LRMDA: variants seen among roughly 807,000 people sequenced by gnomAD.
LRMDA encodes the protein leucine-rich melanocyte differentiation-associated protein.
Under a neutral mutation model 29.8 loss-of-function variants are expected in LRMDA, and 18 were observed. The observed-to-expected ratio is 0.60, with a 90% confidence interval of 0.42 to 0.90. The LOEUF (loss-of-function observed/expected upper bound fraction) is 0.90, where lower values mean the gene tolerates loss of function less well. LRMDA is among the 40% of genes least tolerant of loss of function. The probability of loss-of-function intolerance (pLI) is 0.00; values close to 1 mark genes in which losing one functional copy is unlikely to be tolerated. For missense variants in LRMDA, 273 were observed against 273.9 expected, an observed-to-expected ratio of 1.00 and a Z score of 0.02; for synonymous variants, 125 against 109.4, an observed-to-expected ratio of 1.14 and a Z score of -0.89.
At chr10:76,267,985 ATTTG>A (rs1840026258) in intron 5 of LRMDA, among the ~76,000 whole-genome samples, 1 of 152,202 alleles carries the variant, frequency 6.6e-6, no homozygotes, top group South Asian at 2.1e-4. Context: ...ATTTACATAT[ATTTG>A]TTCTGTATAC....
At chr10:76,269,431 G>A (rs1030099492) in intron 5 of LRMDA, among the ~76,000 whole-genome samples, 97 of 152,322 alleles carry the variant, frequency 6.4e-4, no homozygotes, top group Non-Finnish European at 2.9e-5. Context: ...AGGCTGGACT[G>A]TGCAGGTAGA....
rs566948518 is a variant in LRMDA at position 76,536,025 on chromosome 10, C to T, written c.602-21184C>T. ...TTCCTGACCTCAGGTGATCCACCTG[C>T]CTTGGCCTCCCAAAGTGCTCGGATT... is the stretch of plus-strand genomic sequence containing the variant. On this transcript the variant is annotated intron_variant, in intron 6 of 6. Transcript: ENST00000611255. 2.6e-5 allele frequency: 4 copies of T among 152,266 alleles called. No individual in the cohort carries two copies. In the South Asian group the frequency reaches 8.3e-4, roughly 32 times the overall value. 9.4% of individuals were successfully genotyped at this position (152,266 alleles called of 1,614,324 possible).
intron 2 of LRMDA, among the ~76,000 whole-genome samples, chr10:75,667,182 A>G (rs917108851): frequency 1.2e-4 from 18 of 151,084 alleles, no homozygotes; most frequent in African/African-American, 4.4e-4. Flanking sequence ...CTTCACTCCT[A>G]TATTTGGCGG....
Position 76,501,229 on chromosome 10 carries a change from A to T in LRMDA, c.602-55980A>T, listed in dbSNP as rs1318108482. On this transcript the variant is annotated intron_variant, in intron 6 of 6. Transcript: ENST00000611255. Reference sequence around the variant, plus strand: ...TTCATTATTTGTATAGCTGTGCAGCATTCTAAGGTGAACATATACCACAGT... The same window carrying T: ...TTCATTATTTGTATAGCTGTGCAGCTTTCTAAGGTGAACATATACCACAGT... 2.8e-4 allele frequency among the ~76,000 whole-genome samples: 6 copies of T among 21,256 alleles called. 2 individuals are homozygous for T. The Admixed American group carries it at 2.9e-3, about 10-fold the overall frequency. 13.9% of individuals were successfully genotyped at this position (21,256 alleles called of 152,430 possible).
chr10:76,348,971 C>T (rs1486629971), intron 6 of LRMDA, among the ~76,000 whole-genome samples: 6 of 152,224 alleles, frequency 3.9e-5, no homozygotes, highest in African/African-American at 1.4e-4. Context: ...TCACAGGAGC[C>T]GTGTTGAGGA....
chr10:75,758,360 A>G (rs1843057509), intron 2 of LRMDA, among the ~76,000 whole-genome samples: 1 of 152,206 alleles, frequency 6.6e-6, no homozygotes, highest in Non-Finnish European at 1.5e-5. Context: ...AATGTCGCCC[A>G]TGAAATTCCT....
At chr10:76,176,651 G>C (rs571112467) in intron 5 of LRMDA, among the ~76,000 whole-genome samples, 2 of 152,106 alleles carry the variant, frequency 1.3e-5, no homozygotes, top group Non-Finnish European at 2.9e-5. Context: ...AAATTAGCCG[G>C]GTGTGGTGGC....
At chr10:76,145,606 A>C (rs186794153) in intron 5 of LRMDA, among the ~76,000 whole-genome samples, 26 of 152,228 alleles carry the variant, frequency 1.7e-4, no homozygotes, top group African/African-American at 6.3e-4. Context: ...TCTTGCTAAC[A>C]GTCTATCAGT....
chr10:76,428,651 G>A (rs529252971), intron 6 of LRMDA, among the ~76,000 whole-genome samples: 46 of 152,276 alleles, frequency 3.0e-4, no homozygotes, highest in Admixed American at 9.2e-4. Context: ...TACAGTGGGG[G>A]TGAATGAGGA....
intron 2 of LRMDA, among the ~76,000 whole-genome samples, chr10:75,581,673 C>T (rs1256211499): frequency 3.3e-5 from 5 of 151,440 alleles, no homozygotes; most frequent in South Asian, 2.1e-4. Context: ...TCATTCTCAG[C>T]GAACACAAGA....
At chr10:76,041,632 T>C (rs4746350) in intron 3 of LRMDA, among the ~76,000 whole-genome samples, 152,044 of 152,286 alleles carry the variant, frequency 1, 75,902 homozygotes, top group Middle Eastern at 1. Flanking sequence ...GGGACAGCTT[T>C]GGACCCGCAC....
chr10:76,508,498 T>G (rs909780790), intron 6 of LRMDA, among the ~76,000 whole-genome samples: 1 of 152,216 alleles, frequency 6.6e-6, no homozygotes, highest in Non-Finnish European at 1.5e-5. Flanking sequence ...TCTTACTTTA[T>G]TCTATGGGTT....
chr10:76,087,751 A>G (rs1291704694), intron 5 of LRMDA, among the ~76,000 whole-genome samples: 7 of 152,206 alleles, frequency 4.6e-5, no homozygotes, highest in Non-Finnish European at 8.8e-5. Flanking sequence ...AAAGGAAGGA[A>G]AAGATAAACC....
At chr10:75,805,213 G>T (rs569904867) in intron 2 of LRMDA, among the ~76,000 whole-genome samples, 1 of 152,230 alleles carries the variant, frequency 6.6e-6, no homozygotes, top group African/African-American at 2.4e-5. Context: ...GTTCCTTTTA[G>T]CCCTAAAGTA....
intron 2 of LRMDA, among the ~76,000 whole-genome samples, chr10:75,594,072 A>G (rs1230361339): frequency 6.6e-6 from 1 of 152,076 alleles, no homozygotes; most frequent in African/African-American, 2.4e-5. Context: ...ATGTAGACAG[A>G]TCCCTGGGCC....
chr10:75,631,403 A>ACC (rs148135320), intron 2 of LRMDA, among the ~76,000 whole-genome samples: 9 of 148,678 alleles, frequency 6.1e-5, no homozygotes, highest in African/African-American at 2.0e-4. Context: ...ACCTCACTGC[A>ACC]CCCCCCCCGC....
chr10:75,923,412 A>G (rs1340755051), intron 2 of LRMDA, among the ~76,000 whole-genome samples: 3 of 152,208 alleles, frequency 2.0e-5, no homozygotes, highest in African/African-American at 7.2e-5. Flanking sequence ...GACTAGATTT[A>G]ATGACAGGAC....
chr10:75,487,094 C>T (rs1394056854), intron 2 of LRMDA, among the ~76,000 whole-genome samples: 4 of 152,148 alleles, frequency 2.6e-5, no homozygotes. Flanking sequence ...ATATTTAACA[C>T]TGTTGATAAA....
chr10:75,721,843 C>G (rs912044467), intron 2 of LRMDA, among the ~76,000 whole-genome samples: 7 of 152,150 alleles, frequency 4.6e-5, no homozygotes, highest in Non-Finnish European at 8.8e-5. Context: ...ATCACACACT[C>G]TATAGGGATC....
Sources: allele counts gnomAD v4.1 joint callset (sites outside exome capture counted in the v4.1 genomes callset), GRCh38; gene constraint gnomAD v4.1.1; transcripts MANE v1.5; gene names NCBI Gene and HGNC (gene_info 2026-07-23, HGNC 2026-07-21).